The following BANF2 variants were observed in gnomAD, a reference collection of about 807,000 sequenced individuals.
BANF2 encodes barrier-to-autointegration factor-like protein.
In BANF2, 4 loss-of-function variants were observed where a neutral mutation model predicts 8.0. That is an observed-to-expected ratio of 0.50 (90% CI 0.25 to 1.14). BANF2 has a LOEUF of 1.14. Ranked by LOEUF, BANF2 falls within the 50% of genes most tolerant of loss-of-function variation. The probability of loss-of-function intolerance (pLI) is 0.16; values close to 1 mark genes in which losing one functional copy is unlikely to be tolerated. For synonymous variants in BANF2, 50 were observed against 40.6 expected, an observed-to-expected ratio of 1.23 and a Z score of -0.88; for missense variants, 96 against 107.5, an observed-to-expected ratio of 0.89 and a Z score of 0.47.
chr20:17,695,382 G>T (rs1431803576), upstream of BANF2, among the ~76,000 whole-genome samples: 1 of 145,970 alleles, frequency 6.9e-6, no homozygotes, highest in Admixed American at 6.9e-5. Context: ...GGAGGTCAAG[G>T]CTGTAGTAAG....
intron 1 of BANF2, among the ~76,000 whole-genome samples, chr20:17,713,599 A>G (rs2037608551): frequency 6.6e-6 from 1 of 151,776 alleles, no homozygotes; most frequent in East Asian, 2.0e-4. Flanking sequence ...TTTGGAAAGC[A>G]GAGGCAGGAG....
chr20:17,709,460 G>A (rs892470544), intron 1 of BANF2, among the ~76,000 whole-genome samples: 4 of 152,226 alleles, frequency 2.6e-5, no homozygotes, highest in African/African-American at 4.8e-5. Context: ...TACATGGCAC[G>A]TGGGCCTTCG....
chr20:17,694,630 T>A (rs1275332800), intron 1 of BANF2, among the ~76,000 whole-genome samples: 3 of 130,860 alleles, frequency 2.3e-5, no homozygotes, highest in Non-Finnish European at 1.6e-5. Context: ...TTTTTTTTTT[T>A]TTTATTGAGA....
intron 1 of BANF2, among the ~76,000 whole-genome samples, chr20:17,720,326 G>T (rs1454154760): frequency 6.6e-6 from 1 of 152,192 alleles, no homozygotes; most frequent in Non-Finnish European, 1.5e-5. Context: ...TAAGGTGGGA[G>T]CATCCCAAAC....
chr20:17,729,752 G>A (rs2037865548), intron 3 of BANF2, among the ~76,000 whole-genome samples: 1 of 152,122 alleles, frequency 6.6e-6, no homozygotes, highest in Non-Finnish European at 1.5e-5. Flanking sequence ...GAAAAAGGTG[G>A]ACGCTAGTTT....
At chr20:17,693,846 C>A in intron 1 of BANF2, 1 of 1,023,292 alleles carries the variant, frequency 9.8e-7, no homozygotes, top group South Asian at 1.4e-5. Context: ...CTTTTCGGAA[C>A]GTGTCTCTGC....
At chr20:17,718,475 T>G (rs1398804777) in intron 1 of BANF2, among the ~76,000 whole-genome samples, 1 of 152,152 alleles carries the variant, frequency 6.6e-6, no homozygotes, top group African/African-American at 2.4e-5. Flanking sequence ...GCGCCCAGCC[T>G]GCATTGTAGA....
chr20:17,720,099 GC>G (rs1160559963), intron 1 of BANF2, among the ~76,000 whole-genome samples: 3 of 152,072 alleles, frequency 2.0e-5, no homozygotes, highest in Non-Finnish European at 4.4e-5. Flanking sequence ...TTTGTAACTC[GC>G]CCCATGTGAG....
intron 1 of BANF2, among the ~76,000 whole-genome samples, chr20:17,721,641 C>T (rs1365429086): frequency 2.0e-5 from 3 of 152,164 alleles, no homozygotes; most frequent in Non-Finnish European, 4.4e-5. Flanking sequence ...ATCTGCCTGC[C>T]TCGGCCTCCC....
chr20:17,726,688 T>G (rs1204875098), intron 3 of BANF2, among the ~76,000 whole-genome samples: 1 of 152,214 alleles, frequency 6.6e-6, no homozygotes, highest in Non-Finnish European at 1.5e-5. Flanking sequence ...TTGTGCCTCT[T>G]CTTGGCCAAG....
intron 1 of BANF2, among the ~76,000 whole-genome samples, chr20:17,710,230 G>A (rs1277408827): frequency 6.6e-6 from 1 of 152,180 alleles, no homozygotes; most frequent in Non-Finnish European, 1.5e-5. Context: ...TGAGCCCTGG[G>A]GGGGACATGG....
At chr20:17,732,749 G>A (rs2037918365) in intron 3 of BANF2, among the ~76,000 whole-genome samples, 1 of 152,220 alleles carries the variant, frequency 6.6e-6, no homozygotes, top group Non-Finnish European at 1.5e-5. Flanking sequence ...GACAGGGACA[G>A]CTGCTCAGGG....
chr20:17,701,584 A>C (rs1028774807), intron 1 of BANF2, among the ~76,000 whole-genome samples: 1 of 152,164 alleles, frequency 6.6e-6, no homozygotes, highest in African/African-American at 2.4e-5. Context: ...ATCAGCTGGG[A>C]GCTGGACCAA....
At chr20:17,734,191 G>T (rs896243078) in intron 3 of BANF2, among the ~76,000 whole-genome samples, 4 of 152,176 alleles carry the variant, frequency 2.6e-5, no homozygotes, top group Non-Finnish European at 4.4e-5. Context: ...TGAATTAAAA[G>T]CCTCGAGGCA....
At chr20:17,706,226 T>C (rs527539606) in intron 1 of BANF2, among the ~76,000 whole-genome samples, 4 of 152,212 alleles carry the variant, frequency 2.6e-5, no homozygotes, top group Admixed American at 6.5e-5. Flanking sequence ...CAGGGAGAGA[T>C]TGTGGGTCAG....
intron 1 of BANF2, among the ~76,000 whole-genome samples, chr20:17,707,029 T>C (rs2037490779): frequency 6.6e-6 from 1 of 152,112 alleles, no homozygotes; most frequent in Non-Finnish European, 1.5e-5. Flanking sequence ...GACCACATCT[T>C]GGCACTTTCA....
At chr20:17,731,736 C>T (rs147956793) in intron 3 of BANF2, among the ~76,000 whole-genome samples, 5 of 116,118 alleles carry the variant, frequency 4.3e-5, no homozygotes, top group South Asian at 3.0e-4. Flanking sequence ...GCCTGTGTGA[C>T]GGAATGAGAT....
At chr20:17,728,401 C>T (rs888655223) in intron 3 of BANF2, among the ~76,000 whole-genome samples, 5 of 152,146 alleles carry the variant, frequency 3.3e-5, no homozygotes, top group Non-Finnish European at 5.9e-5. Flanking sequence ...GCTGGATGCC[C>T]TGGGGGAGAT....
intron 3 of BANF2, among the ~76,000 whole-genome samples, chr20:17,734,818 G>A (rs2037953246): frequency 6.6e-6 from 1 of 152,200 alleles, no homozygotes; most frequent in Non-Finnish European, 1.5e-5. Context: ...TGGGCACAGT[G>A]GCTTACCCCT....
Sources: gnomAD v4.1 joint callset for allele counts (sites outside exome capture counted in the v4.1 genomes callset) on GRCh38, gnomAD v4.1.1 for gene constraint, MANE v1.5 for transcripts, NCBI Gene and HGNC (gene_info 2026-07-23, HGNC 2026-07-21) for gene names.